Variants in NOL8 observed in about 807,000 individuals in gnomAD.
The protein encoded by NOL8 is nucleolar protein Nop132.
NOL8 carries 93 observed loss-of-function variants against 116.1 expected under a neutral mutation model. The observed-to-expected ratio is 0.80, with a 90% CI of 0.68 to 0.95. The LOEUF (loss-of-function observed/expected upper bound fraction) is 0.95, where lower values mean the gene tolerates loss of function less well. NOL8 is among the 40% of genes least tolerant of loss of function. The pLI, the probability that NOL8 is intolerant of heterozygous loss-of-function variation, is 0.00. For missense variants in NOL8, 1,291 were observed against 1,382.8 expected, an observed-to-expected ratio of 0.93 and a Z score of 1.05; for synonymous variants, 419 against 469.0, an observed-to-expected ratio of 0.89 and a Z score of 1.38.
chr9:92,304,959 G>T (rs1838096817), intron 12 of NOL8, among the ~76,000 whole-genome samples: 1 of 151,920 alleles, frequency 6.6e-6, no homozygotes, highest in African/African-American at 2.4e-5. Flanking sequence ...AGCTGCTACT[G>T]GTTGCTCCAT....
At chr9:92,307,511 C>G (rs1037377821) in intron 10 of NOL8, among the ~76,000 whole-genome samples, 2 of 152,110 alleles carry the variant, frequency 1.3e-5, no homozygotes, top group African/African-American at 2.4e-5. Flanking sequence ...GGGAAAAAAA[C>G]CATATGCCCT....
At chr9:92,306,632 T>C (rs1374520061) in intron 11 of NOL8, among the ~76,000 whole-genome samples, 1 of 151,818 alleles carries the variant, frequency 6.6e-6, no homozygotes, top group Non-Finnish European at 1.5e-5. Flanking sequence ...AGTTACTATT[T>C]AAACTGTTTC....
intron 15 of NOL8, 23 bp from the exon 16 acceptor site, chr9:92,298,359 G>A (rs1300467538): frequency 6.6e-7 from 1 of 1,508,316 alleles, no homozygotes; most frequent in Non-Finnish European, 9.1e-7. Flanking sequence ...AAAGAAGAAA[G>A]ATGAGGCAGC....
rs758391425 is a variant in NOL8, at chr9:92,301,586, GA to G, written c.3139del (p.Ser1047LeufsTer10). On this transcript the variant is annotated frameshift_variant, in exon 13 of 17. Transcript: ENST00000442668. LOFTEE classifies it high-confidence loss of function. The stretch of plus-strand genomic sequence containing the variant: ...GTCTTTAGTGTCTGAATCAAAAAAA[GA>G]GAACGTGAACCCGCTGGGCTGCTCA... ...DAEQPSGFTF[S>X]FFDSDTKDIK... 1.2e-6 allele frequency: 2 copies of G among 1,603,504 alleles called. No homozygotes were observed. Among genetic ancestry groups the G allele is most frequent in the Non-Finnish European group, 1.7e-6 (2 of 1,175,818 alleles).
At chr9:92,299,831 A>G in intron 14 of NOL8, 59 bp downstream of exon 14, 1 of 1,551,484 alleles carries the variant, frequency 6.4e-7, no homozygotes, top group Non-Finnish European at 8.8e-7. Flanking sequence ...TTTCTAAAGT[A>G]TGTCTAATTC....
chr9:92,311,303 A>C, intron 7 of NOL8, 44 bp from the exon 8 acceptor site: 2 of 1,451,754 alleles, frequency 1.4e-6, no homozygotes, highest in Non-Finnish European at 1.9e-6. Context: ...AAGATTTATG[A>C]TGAAGACTCC....
intron 11 of NOL8, 42 bp from the exon 12 acceptor site, chr9:92,305,872 G>GAACACTAATACAAAAAGT (rs1471829778): frequency 1.5e-6 from 2 of 1,348,160 alleles, no homozygotes; most frequent in African/African-American, 2.9e-5. Context: ...GATAAAAACA[G>GAACACTAATACAAAAAGT]AACACTAATA....
intron 6 of NOL8, 102 bp from the exon 7 acceptor site, chr9:92,316,240 C>T: frequency 7.9e-7 from 1 of 1,269,744 alleles, no homozygotes; most frequent in Non-Finnish European, 1.1e-6. Context: ...GTCATTTCCC[C>T]CCCCTTTCAG....
chr9:92,317,893 G>C (rs965721112), intron 6 of NOL8, among the ~76,000 whole-genome samples: 1 of 151,594 alleles, frequency 6.6e-6, no homozygotes, highest in East Asian at 1.9e-4. Flanking sequence ...AAATTAGCCA[G>C]GTGTGGTGGC....
chr9:92,306,791 C>A, intron 11 of NOL8, 95 bp downstream of exon 11: 1 of 1,207,818 alleles, frequency 8.3e-7, no homozygotes, highest in South Asian at 1.5e-5. Flanking sequence ...GCTGCCTCCC[C>A]AGGCCATTAA....
chr9:92,306,037 A>T (rs1426582146), intron 11 of NOL8, among the ~76,000 whole-genome samples: 1 of 152,226 alleles, frequency 6.6e-6, no homozygotes, highest in Non-Finnish European at 1.5e-5. Context: ...TGTGTTGCCC[A>T]GGCTGGAGTG....
At chr9:92,317,919 C>T (rs60556849) in intron 6 of NOL8, among the ~76,000 whole-genome samples, 4,587 of 150,686 alleles carry the variant, frequency 0.03, 249 homozygotes, top group African/African-American at 0.11. Flanking sequence ...CCTGTAGTCC[C>T]AGCTACTTGG....
chr9:92,314,897 T>C lies in NOL8; in HGVS notation c.1728A>G (p.Val576=). The C allele has an allele frequency of 6.2e-7, 1 of 1,613,774 alleles. No individual in the cohort carries two copies. Among genetic ancestry groups the C allele is most frequent in the South Asian group, 1.1e-5 (1 of 91,082 alleles). The change falls in exon 7 of 17, where the codon GTA becomes GTG. Residue 576 remains valine (V), a synonymous_variant. Transcript: ENST00000442668. ...TTGACTCCTTTTCATATAGACAGCCTACTCCCTTGAAAGCCTGAAATTTTG... is the reference window on the plus strand; with the variant it reads ...TTGACTCCTTTTCATATAGACAGCCCACTCCCTTGAAAGCCTGAAATTTTG... ...LKPKFQAFKG[V]GCLYEKESMK...
intron 12 of NOL8, 28 bp from the exon 13 acceptor site, chr9:92,301,850 T>A: frequency 6.6e-7 from 1 of 1,515,372 alleles, no homozygotes; most frequent in Non-Finnish European, 8.8e-7. Flanking sequence ...GACATGTGCA[T>A]CACAAAGAAA....
intron 12 of NOL8, 23 bp from the exon 13 acceptor site, chr9:92,301,845 G>T: frequency 6.6e-7 from 1 of 1,519,860 alleles, no homozygotes; most frequent in Non-Finnish European, 8.8e-7. Flanking sequence ...ATGTAGACAT[G>T]TGCATCACAA....
chr9:92,311,067 A>G, intron 8 of NOL8, 79 bp downstream of exon 8: 1 of 1,145,950 alleles, frequency 8.7e-7, no homozygotes. Flanking sequence ...GGAGGGTTTT[A>G]TGTTGAGATT....
At chr9:92,316,353 ATT>A (rs1839411185) in intron 6 of NOL8, among the ~76,000 whole-genome samples, 2 of 152,202 alleles carry the variant, frequency 1.3e-5, no homozygotes, top group Non-Finnish European at 2.9e-5. Flanking sequence ...TACCACCACT[ATT>A]AGTTGGCAGA....
intron 3 of NOL8, chr9:92,323,214 T>C (rs1588011305): frequency 1.6e-5 from 20 of 1,216,446 alleles, no homozygotes; most frequent in East Asian, 8.1e-5. Flanking sequence ...TATTTGAGAA[T>C]AGCAGTTTTA....
intron 3 of NOL8, 174 bp downstream of exon 3, chr9:92,323,267 A>C: frequency 1.3e-6 from 2 of 1,507,862 alleles, no homozygotes; most frequent in Non-Finnish European, 8.8e-7. Context: ...GCTGATGCCA[A>C]ATGGAATGGA....
Sources: gnomAD v4.1 joint callset for allele counts (sites outside exome capture counted in the v4.1 genomes callset) on GRCh38, gnomAD v4.1.1 for gene constraint, MANE v1.5 for transcripts, NCBI Gene and HGNC (gene_info 2026-07-23, HGNC 2026-07-21) for gene names.